SHROOM4: variants seen among roughly 807,000 people sequenced by gnomAD.
The protein encoded by SHROOM4 is protein Shroom4.
SHROOM4 carries 17 observed loss-of-function variants against 80.3 expected under a neutral mutation model. The observed-to-expected ratio is 0.21, with a 90% CI of 0.14 to 0.32. The LOEUF is 0.32. SHROOM4 is among the 10% of genes least tolerant of loss of function. SHROOM4 has a pLI of 1.00. For missense variants in SHROOM4, 993 were observed against 1,140.3 expected, an observed-to-expected ratio of 0.87 and a Z score of 1.86; for synonymous variants, 400 against 437.5, an observed-to-expected ratio of 0.91 and a Z score of 1.07.
intron 1 of SHROOM4, among the ~76,000 whole-genome samples, chrX:50,742,612 T>G (rs1451680747): frequency 1.2e-5 from 1 of 80,279 alleles, no homozygotes; most frequent in Non-Finnish European, 2.4e-5. Context: ...GCTGGTTTCT[T>G]CATAATTGGA....
At chrX:50,705,622 A>T (rs782067567) in intron 1 of SHROOM4, among the ~76,000 whole-genome samples, 1 of 110,874 alleles carries the variant, frequency 9.0e-6, no homozygotes, top group South Asian at 3.9e-4. Context: ...CTTGGCACTG[A>T]CGGTGTTCCT....
In SHROOM4 at chrX:50,633,846, C is replaced by A; in HGVS notation, c.2227G>T (p.Glu743Ter). ...TTGTCACCTGGGTTGGAAGGGCCTT[C>A]CATGGCTGCTGCCACAAGTGGCTGT... Reference protein sequence around the residue: ...NSQPLVAAAMEGPSNPGDNKE... With the variant: ...NSQPLVAAAM Residue 743 changes from glutamate (E) to a stop codon, truncating the protein, a stop_gained, in exon 4 of 9, where the codon GAA becomes TAA. Transcript: ENST00000376020. LOFTEE classifies it high-confidence loss of function. 1 of 1,212,151 alleles carries A rather than the reference C, an allele frequency of 8.2e-7. No individual in the cohort carries two copies. The highest frequency in any genetic ancestry group is 1.1e-6 in the Non-Finnish European group (1 of 895,643).
chrX:50,813,522 C>T (rs1336004840), intron 1 of SHROOM4, among the ~76,000 whole-genome samples: 1 of 112,591 alleles, frequency 8.9e-6, no homozygotes, highest in African/African-American at 3.2e-5. Flanking sequence ...ATGACTGTCC[C>T]TTCAGTCCTT....
chrX:50,657,284 C>T (rs1197501475), intron 2 of SHROOM4, among the ~76,000 whole-genome samples: 3 of 110,980 alleles, frequency 2.7e-5, no homozygotes, highest in Non-Finnish European at 5.7e-5. Flanking sequence ...ACTTTCAGTA[C>T]TATGTTTAGT....
At chrX:50,728,841 T>C (rs782405909) in intron 1 of SHROOM4, among the ~76,000 whole-genome samples, 1 of 111,966 alleles carries the variant, frequency 8.9e-6, no homozygotes, top group South Asian at 3.8e-4. Context: ...GGTGATTAAA[T>C]GGTTCATGTG....
At chrX:50,769,663 C>A (rs1287013993) in intron 1 of SHROOM4, among the ~76,000 whole-genome samples, 1 of 111,818 alleles carries the variant, frequency 8.9e-6, no homozygotes, top group Admixed American at 9.4e-5. Context: ...AGCCTTCCTT[C>A]CTGTGGAGTT....
intron 1 of SHROOM4, among the ~76,000 whole-genome samples, chrX:50,741,434 T>C (rs1487785652): frequency 9.0e-6 from 1 of 110,753 alleles, no homozygotes; most frequent in African/African-American, 3.3e-5. Flanking sequence ...AAGAGTAAAT[T>C]TCAAATATCT....
chrX:50,700,676 C>G (rs1396368131), intron 1 of SHROOM4, among the ~76,000 whole-genome samples: 1 of 111,746 alleles, frequency 8.9e-6, no homozygotes, highest in Non-Finnish European at 1.9e-5. Flanking sequence ...CCTAACTTGT[C>G]TCTTTCAGCA....
At chrX:50,696,844 A>C (rs782094786) in intron 1 of SHROOM4, among the ~76,000 whole-genome samples, 103 of 112,168 alleles carry the variant, frequency 9.2e-4, no homozygotes, top group Non-Finnish European at 1.4e-3. Flanking sequence ...AGGCAGAAAT[A>C]ATAGCCACTG....
rs1931208391 is a variant in SHROOM4 at position 50,634,074 on chromosome X, A to G, written c.1999T>C (p.Cys667Arg). 1 of 1,209,844 alleles carries G rather than the reference A, an allele frequency of 8.3e-7. No homozygotes were observed. ...SMMLRARSSECLSQAPESHES... is the reference protein window; with the variant it reads ...SMMLRARSSERLSQAPESHES... The stretch of plus-strand genomic sequence containing the variant: ...TGGCTCTCAGGGGCTTGGCTGAGGC[A>G]CTCGGAAGACCTAGCTCTGAGCATC... Residue 667 changes from cysteine (C) to arginine (R), a missense_variant, in exon 4 of 9, where the codon TGC becomes CGC. Physicochemically the swap from Cys to Arg is radical, Grantham distance 180. Coordinates refer to ENST00000376020, the MANE Select transcript of SHROOM4 (RefSeq NM_020717.5).
In SHROOM4 at chrX:50,595,705, C is replaced by T. The variant is rs782472205; in HGVS notation, c.*990G>A. On this transcript the variant is annotated 3_prime_UTR_variant, in exon 9 of 9. Transcript: ENST00000376020. ...GCCTTGGCACTTGCTTACCTAGCCA[C>T]GGTGGATTCAGGCTGATCTGCAGAA... 1.8e-5 allele frequency: 5 copies of T among 272,062 alleles called. No individual in the cohort carries two copies. Among genetic ancestry groups the T allele is most frequent in the East Asian group, 1.0e-4 (1 of 9,901 alleles). 22.4% of individuals were successfully genotyped at this position (272,062 alleles called of 1,213,427 possible).
At chrX:50,686,940 C>G (rs1309497922) in intron 2 of SHROOM4, 4 of 112,099 alleles carry the variant, frequency 3.6e-5, no homozygotes, top group Non-Finnish European at 5.6e-5. Context: ...CTTGTGTGAA[C>G]CCATATACCA....
intron 2 of SHROOM4, among the ~76,000 whole-genome samples, chrX:50,667,812 A>T (rs1389763977): frequency 4.5e-5 from 5 of 111,957 alleles, no homozygotes; most frequent in Non-Finnish European, 9.4e-5. Flanking sequence ...TTTACCTTCT[A>T]TAGCCCAGAT....
chrX:50,810,418 T>C (rs782082735), intron 1 of SHROOM4, among the ~76,000 whole-genome samples: 1 of 111,507 alleles, frequency 9.0e-6, no homozygotes, highest in South Asian at 3.8e-4. Context: ...CCACAAGATA[T>C]CTCTGAGCAT....
chrX:50,609,859 A>C (rs1929876235), intron 5 of SHROOM4, among the ~76,000 whole-genome samples: 1 of 111,122 alleles, frequency 9.0e-6, no homozygotes, highest in Non-Finnish European at 1.9e-5. Flanking sequence ...GTCCAGGTTT[A>C]TTTGAATTTA....
intron 1 of SHROOM4, among the ~76,000 whole-genome samples, chrX:50,796,227 C>T (rs2147718438): frequency 8.9e-6 from 1 of 111,939 alleles, no homozygotes; most frequent in East Asian, 2.8e-4. Flanking sequence ...TCTGACCAAC[C>T]AAATTCAAGG....
chrX:50,604,441 G>A (rs1463050689), intron 6 of SHROOM4, among the ~76,000 whole-genome samples: 2 of 111,819 alleles, frequency 1.8e-5, no homozygotes, highest in Admixed American at 9.5e-5. Context: ...GCTTCAAGCC[G>A]CTATGCTATA....
intron 1 of SHROOM4, among the ~76,000 whole-genome samples, chrX:50,804,460 C>G (rs1321909373): frequency 8.9e-6 from 1 of 112,118 alleles, no homozygotes; most frequent in Non-Finnish European, 1.9e-5. Context: ...CCTCATTTCC[C>G]TCCCTCCGTC....
At chrX:50,686,069 C>T (rs371623239) in intron 2 of SHROOM4, among the ~76,000 whole-genome samples, 5 of 110,859 alleles carry the variant, frequency 4.5e-5, no homozygotes, top group African/African-American at 1.6e-4. Flanking sequence ...GCTCTGTCTT[C>T]CAGGCTGGAG....
Sources: allele counts gnomAD v4.1 joint callset (sites outside exome capture counted in the v4.1 genomes callset), GRCh38; gene constraint gnomAD v4.1.1; transcripts MANE v1.5; gene names NCBI Gene and HGNC (gene_info 2026-07-23, HGNC 2026-07-21).